The following DRC9 variants were observed in gnomAD, a reference collection of about 807,000 sequenced individuals.
The protein encoded by DRC9 is dynein regulatory complex subunit 9.
chr3:197,892,477 T>C, the DRC9 span: 18 of 889,414 alleles, frequency 2.0e-5, no homozygotes, highest in African/African-American at 3.0e-4. Flanking sequence ...ACCCAGCTAC[T>C]GTGGCCTATT....
chr3:197,891,708 A>G, the DRC9 span, among the ~76,000 whole-genome samples: 2 of 152,258 alleles, frequency 1.3e-5, no homozygotes, highest in Non-Finnish European at 2.9e-5. Flanking sequence ...GTAAATATTC[A>G]CATATTAACT....
At chr3:197,935,250 G>T in the DRC9 span, among the ~76,000 whole-genome samples, 4 of 152,062 alleles carry the variant, frequency 2.6e-5, no homozygotes, top group African/African-American at 9.7e-5. Context: ...AGATCAGCCT[G>T]GCTAACATGG....
the DRC9 span, chr3:197,955,767 G>T: frequency 6.8e-6 from 11 of 1,606,268 alleles, no homozygotes; most frequent in Non-Finnish European, 9.4e-6. Context: ...ACCCCTCAAG[G>T]ATTTAAACTA....
the DRC9 span, among the ~76,000 whole-genome samples, chr3:197,922,969 T>TA: frequency 6.6e-6 from 1 of 152,132 alleles, no homozygotes; most frequent in Non-Finnish European, 1.5e-5. Context: ...AAGTAGTTTT[T>TA]AAAAAATATA....
At chr3:197,912,964 A>G in the DRC9 span, 1 of 542,492 alleles carries the variant, frequency 1.8e-6, no homozygotes, top group Non-Finnish European at 3.3e-6. Flanking sequence ...GACGAGCACA[A>G]TCCCGTGAGC....
the DRC9 span, chr3:197,958,147 A>G: frequency 6.6e-6 from 1 of 152,124 alleles, no homozygotes; most frequent in Non-Finnish European, 1.5e-5. Flanking sequence ...AGCTCACTGC[A>G]CCTTTGAACT....
At chr3:197,902,162 G>T in the DRC9 span, among the ~76,000 whole-genome samples, 1 of 152,232 alleles carries the variant, frequency 6.6e-6, no homozygotes, top group African/African-American at 2.4e-5. Flanking sequence ...AGAATTAGGG[G>T]CTTGGAGTGT....
chr3:197,951,978 G>A, the DRC9 span, among the ~76,000 whole-genome samples: 1 of 152,132 alleles, frequency 6.6e-6, no homozygotes, highest in Non-Finnish European at 1.5e-5. Flanking sequence ...TTAGAAGGAC[G>A]TTACTTCTGA....
chr3:197,894,246 C>T, the DRC9 span, among the ~76,000 whole-genome samples: 1 of 152,124 alleles, frequency 6.6e-6, no homozygotes, highest in Non-Finnish European at 1.5e-5. Flanking sequence ...TAGTACAAAC[C>T]TCAGAGGGTT....
chr3:197,953,895 G>T, the DRC9 span: 5 of 1,039,156 alleles, frequency 4.8e-6, no homozygotes, highest in Non-Finnish European at 7.5e-6. Flanking sequence ...AGTTTCTCAG[G>T]TGATGAAGTG....
At chr3:197,901,454 G>C in the DRC9 span, among the ~76,000 whole-genome samples, 1 of 152,196 alleles carries the variant, frequency 6.6e-6, no homozygotes, top group Non-Finnish European at 1.5e-5. This position sits in a 1 kb window ranked among gnomAD's most constrained non-coding sequence, Gnocchi z 4.4. Context: ...CTTGACTCTT[G>C]GATGGCATTT....
At chr3:197,911,508 T>C in the DRC9 span, among the ~76,000 whole-genome samples, 1 of 152,092 alleles carries the variant, frequency 6.6e-6, no homozygotes, top group African/African-American at 2.4e-5. Flanking sequence ...GGCACAACCA[T>C]TCAATGGAAC....
chr3:197,943,760 T>C, the DRC9 span: 1 of 1,598,300 alleles, frequency 6.3e-7, no homozygotes. Flanking sequence ...AATTAACTCA[T>C]GGTGAGTGGG....
At chr3:197,899,653 G>A in the DRC9 span, among the ~76,000 whole-genome samples, 4 of 151,826 alleles carry the variant, frequency 2.6e-5, no homozygotes. Context: ...ATATCAAAAG[G>A]AAAAAAAGAA....
At chr3:197,945,664 TA>T in the DRC9 span, 1 of 1,541,830 alleles carries the variant, frequency 6.5e-7, no homozygotes, top group Non-Finnish European at 8.8e-7. Flanking sequence ...GGTATATTTA[TA>T]ATCTCACAAA....
At chr3:197,889,323 C>A in the DRC9 span, 1 of 490,960 alleles carries the variant, frequency 2.0e-6, no homozygotes, top group Non-Finnish European at 3.7e-6. Flanking sequence ...TGAATCTTCA[C>A]AGGACTACTA....
At chr3:197,889,601 C>G in the DRC9 span, 1 of 1,614,232 alleles carries the variant, frequency 6.2e-7, no homozygotes, top group East Asian at 2.2e-5. Flanking sequence ...TGCCTCTCCT[C>G]TTATCCTTGC....
chr3:197,942,893 C>CA, the DRC9 span, among the ~76,000 whole-genome samples: 209 of 61,628 alleles, frequency 3.4e-3, 1 homozygote, highest in East Asian at 0.04. Flanking sequence ...AACTCCATCT[C>CA]AAAAAAAAAA....
the DRC9 span, among the ~76,000 whole-genome samples, chr3:197,949,143 T>G: frequency 2.0e-5 from 3 of 152,218 alleles, no homozygotes; most frequent in East Asian, 5.8e-4. Context: ...CTATTTTTAC[T>G]TGCTCATTGT....
Sources: allele counts gnomAD v4.1 joint callset (sites outside exome capture counted in the v4.1 genomes callset), GRCh38; gene constraint gnomAD v4.1.1; non-coding constraint Gnocchi (gnomAD v3.1); transcripts MANE v1.5; gene names NCBI Gene and HGNC (gene_info 2026-07-23, HGNC 2026-07-21).